The following RBMS2 variants were observed in gnomAD, a reference collection of about 807,000 sequenced individuals.
RBMS2 encodes the protein RNA binding motif single stranded interacting protein 2, also known as RNA-binding motif, single-stranded-interacting protein 2.
Under a neutral mutation model 58.4 loss-of-function variants are expected in RBMS2, and 38 were observed. The ratio of observed to expected loss-of-function variants is 0.65; its 90% CI spans 0.50 to 0.85. The LOEUF (loss-of-function observed/expected upper bound fraction) is 0.85, where lower values mean the gene tolerates loss of function less well. RBMS2 is among the 40% of genes least tolerant of loss of function. The pLI, the probability that RBMS2 is intolerant of heterozygous loss-of-function variation, is 0.00. For synonymous variants in RBMS2, 151 were observed against 180.7 expected, an observed-to-expected ratio of 0.84 and a Z score of 1.32; for missense variants, 367 against 503.7, an observed-to-expected ratio of 0.73 and a Z score of 2.60.
chr12:56,568,860 G>T (rs1033344105), intron 2 of RBMS2, 115 bp from the exon 3 acceptor site: 1 of 875,814 alleles, frequency 1.1e-6, no homozygotes, highest in Non-Finnish European at 1.8e-6. Context: ...ATGAAGGTTT[G>T]AGTAGGAAAA....
Position 56,542,992 on chromosome 12 carries a change from G to A in RBMS2, c.67-19425G>A, listed in dbSNP as rs58169177. ...ACAATCTTAGCTCACTGCAACCTCCGCCTCCTGGGTTCAAGCAATTCTCCT... is the reference window on the plus strand; with the variant it reads ...ACAATCTTAGCTCACTGCAACCTCCACCTCCTGGGTTCAAGCAATTCTCCT... On this transcript the variant is annotated intron_variant, in intron 1 of 13. Coordinates refer to ENST00000262031, the MANE Select transcript of RBMS2 (RefSeq NM_002898.4). Among the ~76,000 whole-genome samples, 7 of 151,684 alleles carry A rather than the reference G, an allele frequency of 4.6e-5. No homozygotes were observed. The East Asian group carries it at 5.8e-4, about 13-fold the overall frequency.
chr12:56,563,396 T>C (rs1400353232), intron 2 of RBMS2, among the ~76,000 whole-genome samples: 1 of 152,178 alleles, frequency 6.6e-6, no homozygotes, highest in African/African-American at 2.4e-5. Context: ...AATCAAATCA[T>C]GCACTTTGGA....
At chr12:56,521,201 G>A (rs1871679601), upstream of RBMS2, among the ~76,000 whole-genome samples, 1 of 152,064 alleles carries the variant, frequency 6.6e-6, no homozygotes, top group Non-Finnish European at 1.5e-5. Context: ...AGGTTGAGTG[G>A]GTGGATCACT....
chr12:56,581,129 G>A (rs1047726731), intron 5 of RBMS2, 55 bp from the exon 6 acceptor site: 3 of 1,403,004 alleles, frequency 2.1e-6, no homozygotes, highest in Non-Finnish European at 2.0e-6. Context: ...CTTTCAATGT[G>A]TGGAGAGCAC....
chr12:56,538,872 T>C (rs1006000887), intron 1 of RBMS2, among the ~76,000 whole-genome samples: 3 of 152,240 alleles, frequency 2.0e-5, no homozygotes, highest in African/African-American at 7.2e-5. Context: ...TAGTAATGTT[T>C]TTGGCTTTCA....
intron 1 of RBMS2, among the ~76,000 whole-genome samples, chr12:56,535,939 G>A (rs1191424517): frequency 6.6e-6 from 1 of 152,142 alleles, no homozygotes. Flanking sequence ...GCTAACACCT[G>A]TAATCCTAGC....
At position 56,559,720 on chromosome 12, in the gene RBMS2, G is replaced by A. The variant is rs546108452; in HGVS notation, c.67-2697G>A. Among the ~76,000 whole-genome samples the A allele has an allele frequency of 4.0e-5, 6 of 149,744 alleles. No homozygotes were observed. In the South Asian group the frequency reaches 1.1e-3, roughly 27 times the overall value. On this transcript the variant is annotated intron_variant, in intron 1 of 13. Coordinates refer to ENST00000262031, the MANE Select transcript of RBMS2 (RefSeq NM_002898.4). The stretch of plus-strand genomic sequence containing the variant: ...CAAAAAATTAGCCAGGCGTGGTGGC[G>A]GGCGCCTGTAGTCCCAGCTACTCAG...
At chr12:56,588,887 G>C (rs1415657235) in intron 12 of RBMS2, 45 bp from the exon 13 acceptor site, 1 of 1,598,752 alleles carries the variant, frequency 6.3e-7, no homozygotes, top group Admixed American at 1.7e-5. Flanking sequence ...GTGGAGGTGA[G>C]GAAAGGAATG....
chr12:56,533,408 C>CTTTTTTTTTTTTTTTTTTTTTTTTTT (rs1164155079), intron 1 of RBMS2, among the ~76,000 whole-genome samples: 1 of 65,310 alleles, frequency 1.5e-5, no homozygotes, highest in Non-Finnish European at 2.6e-5. Flanking sequence ...AGCCCTATTA[C>CTTTTTTTTTTTTTTTTTTTTTTTTTT]TTTTTTTTTT....
chr12:56,530,700 G>A (rs890391913), intron 1 of RBMS2, among the ~76,000 whole-genome samples: 7 of 152,134 alleles, frequency 4.6e-5, no homozygotes, highest in Non-Finnish European at 1.5e-5. Context: ...GGAGACAAAT[G>A]TAAAGAGAAT....
At chr12:56,521,738 A>C (rs564900965), upstream of RBMS2, among the ~76,000 whole-genome samples, 1 of 151,918 alleles carries the variant, frequency 6.6e-6, no homozygotes, top group Non-Finnish European at 1.5e-5. Context: ...AACAAAAAAA[A>C]ACATCTTGGG....
chr12:56,563,392 A>G (rs1450410520), intron 2 of RBMS2, among the ~76,000 whole-genome samples: 1 of 152,196 alleles, frequency 6.6e-6, no homozygotes, highest in East Asian at 1.9e-4. Context: ...CGCCAATCAA[A>G]TCATGCACTT....
In RBMS2 at chr12:56,528,991, G is replaced by A. The variant is rs139821733; in HGVS notation, c.66+6902G>A. 2.1e-3 allele frequency among the ~76,000 whole-genome samples: 326 copies of A among 152,268 alleles called. 1 individual carries two copies. The highest frequency in any genetic ancestry group is 3.6e-3 in the Non-Finnish European group (244 of 68,030). ...TAACTGGAACCTTTATACACTTCTG[G>A]TGGGAATGTAAAATGGTACAGCTGC... is the stretch of plus-strand genomic sequence containing the variant. On this transcript the variant is annotated intron_variant, in intron 1 of 13. Transcript: ENST00000262031.
At chr12:56,572,087 G>A (rs1316393885) in intron 5 of RBMS2, among the ~76,000 whole-genome samples, 1 of 152,020 alleles carries the variant, frequency 6.6e-6, no homozygotes, top group East Asian at 1.9e-4. Flanking sequence ...TCAGGAGTTT[G>A]AGACCAGCCT....
intron 5 of RBMS2, among the ~76,000 whole-genome samples, chr12:56,579,465 CT>C (rs1342030799): frequency 2.6e-5 from 4 of 152,094 alleles, no homozygotes; most frequent in Admixed American, 2.0e-4. Flanking sequence ...CCCGTCTCTA[CT>C]AAAAATACCA....
chr12:56,532,698 A>C lies in RBMS2; in HGVS notation c.66+10609A>C, dbSNP rs201545216. On this transcript the variant is annotated intron_variant, in intron 1 of 13. Transcript: ENST00000262031. The stretch of plus-strand genomic sequence containing the variant: ...TGCTGTCTCCAATTTATTTCCTTCC[A>C]TTCTTTTTTCTTTTATTATCTTGAA... Among the ~76,000 whole-genome samples the C allele has an allele frequency of 1.8e-4, 28 of 152,014 alleles. No individual in the cohort carries two copies. In the East Asian group the frequency reaches 5.2e-3, roughly 28 times the overall value.
intron 1 of RBMS2, among the ~76,000 whole-genome samples, chr12:56,553,197 G>A (rs535965572): frequency 1.3e-5 from 2 of 151,722 alleles, no homozygotes; most frequent in South Asian, 2.1e-4. Flanking sequence ...GATTACAGGC[G>A]TGAGCCACTG....
At chr12:56,535,663 A>G (rs10876903) in intron 1 of RBMS2, among the ~76,000 whole-genome samples, 63,289 of 151,790 alleles carry the variant, frequency 0.42, 14,901 homozygotes, top group East Asian at 0.6. Flanking sequence ...TTTATTAGAC[A>G]TTTCAAACTT....
rs116982837 is a variant in RBMS2, at chr12:56,562,632, G to A, written c.233+49G>A. 2.6e-6 allele frequency: 4 copies of A among 1,563,476 alleles called. No individual in the cohort carries two copies. In the African/African-American group the frequency reaches 5.4e-5, roughly 21 times the overall value. ...GGCTTCCAGGGACAGTATAGATTTGGTTTTGAGACAGGGTCTCGTTATGTT... is the reference window on the plus strand; with the variant it reads ...GGCTTCCAGGGACAGTATAGATTTGATTTTGAGACAGGGTCTCGTTATGTT... On this transcript the variant is annotated intron_variant, in intron 2 of 13. Coordinates refer to ENST00000262031, the MANE Select transcript of RBMS2 (RefSeq NM_002898.4).
Sources: gnomAD v4.1 joint callset for allele counts (sites outside exome capture counted in the v4.1 genomes callset) on GRCh38, gnomAD v4.1.1 for gene constraint, MANE v1.5 for transcripts, NCBI Gene and HGNC (gene_info 2026-07-23, HGNC 2026-07-21) for gene names.